Variants in CNKSR3 observed in about 807,000 individuals in gnomAD.
CNKSR3 encodes the protein CNKSR family member 3.
In CNKSR3, 36 loss-of-function variants were observed where a neutral mutation model predicts 67.7. The observed-to-expected ratio is 0.53, with a 90% CI of 0.41 to 0.70. The LOEUF is 0.70. Among genes scored for constraint, CNKSR3 ranks in the 30% least tolerant of loss-of-function variants. The probability of loss-of-function intolerance (pLI) is 0.00; values close to 1 mark genes in which losing one functional copy is unlikely to be tolerated. For missense variants in CNKSR3, 630 were observed against 695.2 expected, an observed-to-expected ratio of 0.91 and a Z score of 1.05; for synonymous variants, 281 against 271.4, an observed-to-expected ratio of 1.04 and a Z score of -0.35.
At chr6:154,452,709 GA>G (rs1206033989) in intron 1 of CNKSR3, among the ~76,000 whole-genome samples, 1 of 152,182 alleles carries the variant, frequency 6.6e-6, no homozygotes, top group Non-Finnish European at 1.5e-5. Flanking sequence ...CCTAAAGAAG[GA>G]ATTAAGTTCA....
At position 154,510,443 on chromosome 6, in the gene CNKSR3, C is replaced by T; in HGVS notation, c.-329G>A. The T allele has an allele frequency of 5.3e-6, 2 of 379,284 alleles. No individual in the cohort carries two copies. The highest frequency in any genetic ancestry group is 9.5e-6 in the Non-Finnish European group (2 of 209,900). 23.5% of individuals were successfully genotyped at this position (379,284 alleles called of 1,614,324 possible). ...CCAGACCCCTGGCCTCGGCTCGGCA[C>T]GGGAGCCTCCCGGCCCGCGACCACT... is the stretch of plus-strand genomic sequence containing the variant. On this transcript the variant is annotated 5_prime_UTR_variant, in exon 1 of 13. In the 5' UTR this introduces an upstream ATG that the reference lacks. Coordinates refer to ENST00000607772, the MANE Select transcript of CNKSR3 (RefSeq NM_173515.4).
Position 154,387,567 on chromosome 6 carries a change from A to T in CNKSR3, c.*18787T>A, listed in dbSNP as rs1455438780. On this transcript the variant is annotated 3_prime_UTR_variant, in exon 13 of 13. Coordinates refer to ENST00000607772, the MANE Select transcript of CNKSR3 (RefSeq NM_173515.4). ...TTAGTTAATGAGGCACAGGAAAGGA[A>T]TGTTAAGAAAAGCAGGAATGTTTAT... The T allele has an allele frequency of 6.6e-6, 1 of 152,236 alleles. No homozygotes were observed. Among genetic ancestry groups the T allele is most frequent in the Non-Finnish European group, 1.5e-5 (1 of 68,040 alleles). 9.4% of individuals were successfully genotyped at this position (152,236 alleles called of 1,614,324 possible). A position where few individuals can be genotyped will look rare whatever the true frequency, so the allele number is the denominator to read the frequency against.
At chr6:154,499,530 G>A (rs192529471) in intron 1 of CNKSR3, among the ~76,000 whole-genome samples, 43 of 152,306 alleles carry the variant, frequency 2.8e-4, no homozygotes, top group Admixed American at 1.7e-3. Flanking sequence ...ATGTTGAGAC[G>A]CCCCGCATGT....
At chr6:154,410,483 T>C (rs1283720960) in intron 11 of CNKSR3, 51 bp from the exon 12 acceptor site, 1 of 1,237,514 alleles carries the variant, frequency 8.1e-7, no homozygotes, top group Non-Finnish European at 1.2e-6. Flanking sequence ...TCTGGAACTT[T>C]AGTGAACCGT....
In CNKSR3 at chr6:154,510,681, C is replaced by G. The variant is rs975247555; in HGVS notation, c.-567G>C. The stretch of plus-strand genomic sequence containing the variant: ...AGTTTCAGCTCCGGTTGCTGCAAAC[C>G]GAATAAAAGAGAGGGCGGGGCCGAG... On this transcript the variant is annotated 5_prime_UTR_variant, in exon 1 of 13. Transcript: ENST00000607772. The G allele has an allele frequency of 6.5e-6, 1 of 154,790 alleles. No individual in the cohort carries two copies. The highest frequency in any genetic ancestry group is 2.4e-5 in the African/African-American group (1 of 41,444). The allele number at this position is 154,790 out of a possible 1,614,324, so 9.6% of individuals were successfully genotyped here. A position where few individuals can be genotyped will look rare whatever the true frequency, so the allele number is the denominator to read the frequency against.
chr6:154,433,625 A>G, intron 4 of CNKSR3, 118 bp from the exon 5 acceptor site: 1 of 729,344 alleles, frequency 1.4e-6, no homozygotes, highest in Non-Finnish European at 2.4e-6. Flanking sequence ...CACACCCGTC[A>G]GCCTGCACAG....
At position 154,390,453 on chromosome 6, in the gene CNKSR3, T is replaced by C. The variant is rs1185374854; in HGVS notation, c.*15901A>G. 2 of 152,212 alleles carry C rather than the reference T, an allele frequency of 1.3e-5. No individual in the cohort carries two copies. Among genetic ancestry groups the C allele is most frequent in the African/African-American group, 4.8e-5 (2 of 41,460 alleles). The allele number at this position is 152,212 out of a possible 1,614,324, so 9.4% of individuals were successfully genotyped here. On this transcript the variant is annotated 3_prime_UTR_variant, in exon 13 of 13. Coordinates refer to ENST00000607772, the MANE Select transcript of CNKSR3 (RefSeq NM_173515.4). ...AACACATTGTGAAAGTATAGGGACA[T>C]TAACTTCTCATGGAAAAATTCTCAC...
In CNKSR3 at chr6:154,396,472, T is replaced by C. The variant is rs1784662115; in HGVS notation, c.*9882A>G. On this transcript the variant is annotated 3_prime_UTR_variant, in exon 13 of 13. Coordinates refer to ENST00000607772, the MANE Select transcript of CNKSR3 (RefSeq NM_173515.4). ...TAATTTTTTCTAACTTCTTTTCTGA[T>C]TGCACAGTTAATTTTACCATCTAGT... The C allele has an allele frequency of 6.6e-6, 1 of 152,230 alleles. No individual in the cohort carries two copies. The highest frequency in any genetic ancestry group is 2.4e-5 in the African/African-American group (1 of 41,468). The allele number at this position is 152,230 out of a possible 1,614,324, so 9.4% of individuals were successfully genotyped here. A position where few individuals can be genotyped will look rare whatever the true frequency, so the allele number is the denominator to read the frequency against.
At chr6:154,458,367 T>C (rs1272978615) in intron 1 of CNKSR3, among the ~76,000 whole-genome samples, 1 of 152,150 alleles carries the variant, frequency 6.6e-6, no homozygotes, top group East Asian at 1.9e-4. Context: ...TGCTCCCCCC[T>C]CCCCTAATGA....
In CNKSR3 at chr6:154,410,920, C is replaced by A; in HGVS notation, c.1279+14G>T. 1 of 1,600,160 alleles carries A rather than the reference C, an allele frequency of 6.2e-7. No homozygotes were observed. Among genetic ancestry groups the A allele is most frequent in the Non-Finnish European group, 8.5e-7 (1 of 1,171,928 alleles). Reference sequence around the variant, plus strand: ...AAGGCCAACGGCAGAACAAAACAAACACTTGAAACTTACCATAAGATGGTG... The same window carrying A: ...AAGGCCAACGGCAGAACAAAACAAAAACTTGAAACTTACCATAAGATGGTG... On this transcript the variant is annotated intron_variant, in intron 11 of 12. Transcript: ENST00000607772.
At chr6:154,441,266 G>GTA in intron 4 of CNKSR3, 26 bp downstream of exon 4, 1 of 713,998 alleles carries the variant, frequency 1.4e-6, no homozygotes, top group South Asian at 2.7e-5. Flanking sequence ...AAAAAAAAAA[G>GTA]AAAGTGAAAA....
chr6:154,495,125 C>A (rs1431945107), intron 1 of CNKSR3, among the ~76,000 whole-genome samples: 1 of 152,324 alleles, frequency 6.6e-6, no homozygotes, highest in Middle Eastern at 3.4e-3. Context: ...TATTCTAACA[C>A]ATTTCGCGTG....
rs1784588210 is a variant in CNKSR3, at chr6:154,389,927, A to G, written c.*16427T>C. Reference sequence around the variant, plus strand: ...ACACAAACAAATGGAAAGACATTTCATTCCTGGGCTGTAAGACTTAATATT... The same window carrying G: ...ACACAAACAAATGGAAAGACATTTCGTTCCTGGGCTGTAAGACTTAATATT... On this transcript the variant is annotated 3_prime_UTR_variant, in exon 13 of 13. Transcript: ENST00000607772. 6.6e-6 allele frequency: 1 copy of G among 152,226 alleles called. No homozygotes were observed. Among genetic ancestry groups the G allele is most frequent in the African/African-American group, 2.4e-5 (1 of 41,466 alleles). The allele number at this position is 152,226 out of a possible 1,614,324, so 9.4% of individuals were successfully genotyped here.
chr6:154,461,302 G>C (rs989630485), intron 1 of CNKSR3, among the ~76,000 whole-genome samples: 2 of 152,216 alleles, frequency 1.3e-5, no homozygotes, highest in Non-Finnish European at 2.9e-5. Context: ...GAAGAAATAA[G>C]TGGAGGGGAA....
chr6:154,429,183 G>C (rs1785315080), intron 6 of CNKSR3, among the ~76,000 whole-genome samples: 1 of 152,098 alleles, frequency 6.6e-6, no homozygotes. Context: ...GGGAAAGAGA[G>C]CAAAAAGTAG....
rs984894751 is a variant in CNKSR3 at position 154,394,776 on chromosome 6, C to T, written c.*11578G>A. 6.6e-6 allele frequency: 1 copy of T among 152,136 alleles called. No individual in the cohort carries two copies. Among genetic ancestry groups the T allele is most frequent in the Non-Finnish European group, 1.5e-5 (1 of 68,038 alleles). 9.4% of individuals were successfully genotyped at this position (152,136 alleles called of 1,614,324 possible). ...CTTAGGAAAGCCATCAGATAACTGT[C>T]CGATTCTGTTCTTAGTCCTCTTGCC... On this transcript the variant is annotated 3_prime_UTR_variant, in exon 13 of 13. Transcript: ENST00000607772.
At chr6:154,473,600 G>A (rs1246602890) in intron 1 of CNKSR3, among the ~76,000 whole-genome samples, 3 of 152,166 alleles carry the variant, frequency 2.0e-5, no homozygotes, top group Admixed American at 1.3e-4. Context: ...TTTAGGGAGT[G>A]TCTACTCTAC....
intron 9 of CNKSR3, among the ~76,000 whole-genome samples, chr6:154,415,856 C>T (rs1056195992): frequency 6.6e-6 from 1 of 152,188 alleles, no homozygotes; most frequent in Non-Finnish European, 1.5e-5. Flanking sequence ...ATCTTACCTT[C>T]TACAATCTAA....
chr6:154,487,356 T>G (rs1449408041), intron 1 of CNKSR3, among the ~76,000 whole-genome samples: 2 of 152,202 alleles, frequency 1.3e-5, no homozygotes, highest in African/African-American at 4.8e-5. Context: ...ACTCACATTA[T>G]CTCATTTAGC....
Sources: gnomAD v4.1 joint callset for allele counts (sites outside exome capture counted in the v4.1 genomes callset) on GRCh38, gnomAD v4.1.1 for gene constraint, MANE v1.5 for transcripts, NCBI Gene and HGNC (gene_info 2026-07-23, HGNC 2026-07-21) for gene names.